CASR: variants seen among roughly 807,000 people sequenced by gnomAD.
CASR encodes the protein calcium sensing receptor, also known as extracellular calcium-sensing receptor.
A neutral mutation model predicts 69.1 loss-of-function variants in CASR; 23 were observed. The ratio of observed to expected loss-of-function variants is 0.33; its 90% CI spans 0.24 to 0.47. The LOEUF (loss-of-function observed/expected upper bound fraction) is 0.47. CASR is among the 20% of genes least tolerant of loss of function. CASR has a pLI of 1.00. For missense variants in CASR, 924 were observed against 1,356.1 expected (o/e 0.68, Z 5.00); for synonymous variants, 541 against 544.7 (o/e 0.99, Z 0.10).
chr3:122,232,122 C>G (rs1046955029), intron 1 of CASR, among the ~76,000 whole-genome samples: 2 of 152,184 alleles, frequency 1.3e-5, no homozygotes, highest in African/African-American at 2.4e-5. Context: ...GTTTATATTG[C>G]AACCCCAAGA....
In CASR at chr3:122,286,420, G is replaced by A. The variant is rs867815800; in HGVS notation, c.*1229G>A. The A allele has an allele frequency of 3.9e-5, 6 of 152,122 alleles. No individual in the cohort carries two copies. Among genetic ancestry groups the A allele is most frequent in the East Asian group, 1.9e-4 (1 of 5,204 alleles). The allele number at this position is 152,122 out of a possible 1,614,324, so 9.4% of individuals were successfully genotyped here. The stretch of plus-strand genomic sequence containing the variant: ...CTCAGAGCTCTTATGTGGATTAAAC[G>A]AGATAATGTATATAAAGTACTTTAG... On this transcript the variant is annotated 3_prime_UTR_variant, in exon 7 of 7. Transcript: ENST00000639785.
chr3:122,257,058 C>T, intron 2 of CASR, 23 bp from the exon 3 acceptor site: 1 of 1,610,046 alleles, frequency 6.2e-7, no homozygotes, highest in South Asian at 1.1e-5. Context: ...TTCCCATTTT[C>T]TTCCACTTCT....
intron 4 of CASR, among the ~76,000 whole-genome samples, chr3:122,269,071 A>G (rs2074725554): frequency 6.6e-6 from 1 of 152,264 alleles, no homozygotes; most frequent in South Asian, 2.1e-4. Context: ...TTTATCAGGA[A>G]CAATTTATTA....
intron 4 of CASR, among the ~76,000 whole-genome samples, chr3:122,273,148 C>T (rs747694598): frequency 4.6e-5 from 7 of 152,222 alleles, no homozygotes; most frequent in Non-Finnish European, 7.3e-5. Context: ...TGTATGCTAA[C>T]TACTAGAGCT....
chr3:122,195,859 T>C (rs9832999), intron 1 of CASR, among the ~76,000 whole-genome samples: 30,967 of 152,212 alleles, frequency 0.2, 3,965 homozygotes, highest in Admixed American at 0.4. Flanking sequence ...AGCTCTTTCA[T>C]ACCCTACTGC....
At chr3:122,230,469 C>G (rs1239882944) in intron 1 of CASR, among the ~76,000 whole-genome samples, 1 of 152,220 alleles carries the variant, frequency 6.6e-6, no homozygotes, top group Non-Finnish European at 1.5e-5. Context: ...GGCGGGGATG[C>G]TGCTGACCGT....
chr3:122,237,869 T>C (rs1489169612), intron 1 of CASR, among the ~76,000 whole-genome samples: 1 of 152,206 alleles, frequency 6.6e-6, no homozygotes, highest in Non-Finnish European at 1.5e-5. Flanking sequence ...GAAAACTTTT[T>C]GGTAGTATCT....
At chr3:122,259,387 C>T (rs1407949841) in intron 3 of CASR, among the ~76,000 whole-genome samples, 4 of 152,074 alleles carry the variant, frequency 2.6e-5, no homozygotes, top group African/African-American at 9.7e-5. Flanking sequence ...AAAACAATAA[C>T]ATCTAAACAA....
At chr3:122,204,813 C>T (rs2073990787) in intron 1 of CASR, among the ~76,000 whole-genome samples, 1 of 152,118 alleles carries the variant, frequency 6.6e-6, no homozygotes, top group South Asian at 2.1e-4. Context: ...ATTTGCATGT[C>T]TCTGATGATA....
At chr3:122,272,467 T>A (rs965839821) in intron 4 of CASR, among the ~76,000 whole-genome samples, 3 of 152,208 alleles carry the variant, frequency 2.0e-5, no homozygotes, top group African/African-American at 7.2e-5. Context: ...GTTCCACTGT[T>A]TTTAACACCT....
At chr3:122,270,632 T>C (rs1218410337) in intron 4 of CASR, among the ~76,000 whole-genome samples, 1 of 152,204 alleles carries the variant, frequency 6.6e-6, no homozygotes, top group Non-Finnish European at 1.5e-5. Context: ...AATATAGACA[T>C]TTACTGCTAT....
intron 5 of CASR, among the ~76,000 whole-genome samples, chr3:122,276,250 C>T (rs988131227): frequency 6.6e-6 from 1 of 152,194 alleles, no homozygotes; most frequent in Non-Finnish European, 1.5e-5. Context: ...GAGCCCCATG[C>T]CTTCCTACTG....
chr3:122,188,888 T>A (rs548945715), intron 1 of CASR, among the ~76,000 whole-genome samples: 1 of 152,336 alleles, frequency 6.6e-6, no homozygotes, highest in African/African-American at 2.4e-5. Context: ...CATCATGCAA[T>A]GCAGTCTTGG....
intron 1 of CASR, among the ~76,000 whole-genome samples, chr3:122,228,379 CAT>C (rs1440211661): frequency 3.9e-5 from 6 of 152,274 alleles, no homozygotes; most frequent in Non-Finnish European, 5.9e-5. Context: ...AGTTTTATGA[CAT>C]GTTCTTAAAG....
chr3:122,269,968 A>G (rs955051452), intron 4 of CASR, among the ~76,000 whole-genome samples: 1 of 152,020 alleles, frequency 6.6e-6, no homozygotes, highest in African/African-American at 2.4e-5. Flanking sequence ...CAGCCTCCCG[A>G]GTAGCTGGGA....
At chr3:122,187,086 G>A (rs2073793310) in intron 1 of CASR, among the ~76,000 whole-genome samples, 1 of 152,124 alleles carries the variant, frequency 6.6e-6, no homozygotes, top group Non-Finnish European at 1.5e-5. Flanking sequence ...GTTCAAATGT[G>A]AATCATCCAT....
At chr3:122,202,049 T>G (rs111533046) in intron 1 of CASR, among the ~76,000 whole-genome samples, 7,137 of 152,104 alleles carry the variant, frequency 0.047, 223 homozygotes, top group Middle Eastern at 0.075. Flanking sequence ...TCTCGGCACT[T>G]TGGGAGGCCA....
chr3:122,257,553 T>G, intron 3 of CASR, 166 bp downstream of exon 3: 2 of 592,666 alleles, frequency 3.4e-6, no homozygotes, highest in Non-Finnish European at 6.0e-6. Flanking sequence ...TTTCTGAAAC[T>G]CCAGTGTCCA....
intron 1 of CASR, among the ~76,000 whole-genome samples, chr3:122,244,289 C>G (rs557345003): frequency 6.6e-6 from 1 of 151,860 alleles, no homozygotes; most frequent in Admixed American, 6.6e-5. Flanking sequence ...ATCTCAGGTA[C>G]CCCAGAAATA....
Sources: allele counts gnomAD v4.1 joint callset (sites outside exome capture counted in the v4.1 genomes callset), GRCh38; gene constraint gnomAD v4.1.1; transcripts MANE v1.5; gene names NCBI Gene and HGNC (gene_info 2026-07-23, HGNC 2026-07-21).